Variants in CNTNAP2 observed in about 807,000 individuals in gnomAD.
CNTNAP2 encodes contactin associated protein 2.
CNTNAP2 carries 98 observed loss-of-function variants against 155.2 expected under a neutral mutation model. The ratio of observed to expected loss-of-function variants is 0.63; its 90% confidence interval spans 0.54 to 0.75. The LOEUF (loss-of-function observed/expected upper bound fraction) is 0.75, where lower values mean the gene tolerates loss of function less well. Ranked by LOEUF, CNTNAP2 falls within the 30% of genes least tolerant of loss-of-function variation. The pLI, the probability that CNTNAP2 is intolerant of heterozygous loss-of-function variation, is 0.00. For synonymous variants in CNTNAP2, 651 were observed against 631.2 expected, an observed-to-expected ratio of 1.03 and a Z score of -0.47; for missense variants, 1,727 against 1,688.1, an observed-to-expected ratio of 1.02 and a Z score of -0.40.
chr7:147,274,911 A>G (rs564800742), intron 8 of CNTNAP2, among the ~76,000 whole-genome samples: 16 of 152,142 alleles, frequency 1.1e-4, no homozygotes, highest in African/African-American at 3.9e-4. Context: ...TCTCAACACC[A>G]TTTATTGAAT....
At chr7:147,073,312 TAA>T (rs34336943) in intron 4 of CNTNAP2, among the ~76,000 whole-genome samples, 269 of 140,306 alleles carry the variant, frequency 1.9e-3, no homozygotes, top group Non-Finnish European at 2.3e-3. Context: ...TGCAGGAATG[TAA>T]AAAAAAAAAA....
At chr7:147,050,496 C>T (rs1220411502) in intron 4 of CNTNAP2, among the ~76,000 whole-genome samples, 6 of 152,054 alleles carry the variant, frequency 3.9e-5, no homozygotes, top group Admixed American at 1.3e-4. Flanking sequence ...CAATGCAAAT[C>T]GTGATGGAAA....
intron 1 of CNTNAP2, among the ~76,000 whole-genome samples, chr7:146,747,048 A>C (rs190322872): frequency 3.3e-5 from 5 of 152,246 alleles, no homozygotes; most frequent in African/African-American, 1.2e-4. Flanking sequence ...TAATCCATCT[A>C]TGTAGCTCTG....
intron 13 of CNTNAP2, among the ~76,000 whole-genome samples, chr7:147,724,015 C>T (rs1046146825): frequency 1.3e-5 from 2 of 151,838 alleles, no homozygotes; most frequent in Non-Finnish European, 2.9e-5. Flanking sequence ...TACTGCTTGT[C>T]CTACACTTTC....
At chr7:147,748,057 T>C (rs142129420) in intron 13 of CNTNAP2, among the ~76,000 whole-genome samples, 1 of 152,168 alleles carries the variant, frequency 6.6e-6, no homozygotes, top group East Asian at 1.9e-4. Context: ...AGAACCATAA[T>C]CAGATCTAAT....
intron 21 of CNTNAP2, among the ~76,000 whole-genome samples, chr7:148,296,836 G>A (rs140226335): frequency 8.9e-4 from 135 of 152,198 alleles, no homozygotes; most frequent in African/African-American, 3.1e-3. Context: ...CAAGACCGAC[G>A]AAAAAGTTCT....
chr7:146,755,017 C>T (rs1468122914), intron 1 of CNTNAP2, among the ~76,000 whole-genome samples: 1 of 151,622 alleles, frequency 6.6e-6, no homozygotes, highest in East Asian at 1.9e-4. Context: ...GATTATTAGC[C>T]CAATTTATAA....
chr7:146,711,523 A>G (rs554813468), intron 1 of CNTNAP2, among the ~76,000 whole-genome samples: 1 of 149,142 alleles, frequency 6.7e-6, no homozygotes, highest in African/African-American at 2.4e-5. Context: ...GGAACAGCTT[A>G]GACATAACTA....
At chr7:146,398,906 AT>A (rs1235885917) in intron 1 of CNTNAP2, among the ~76,000 whole-genome samples, 6 of 152,026 alleles carry the variant, frequency 3.9e-5, no homozygotes, top group African/African-American at 9.7e-5. Flanking sequence ...TTAATAAAAA[AT>A]ATATGGATTT....
chr7:147,674,870 T>C (rs1363019673), intron 13 of CNTNAP2, among the ~76,000 whole-genome samples: 1 of 152,150 alleles, frequency 6.6e-6, no homozygotes, highest in Non-Finnish European at 1.5e-5. Context: ...AATTATTTTT[T>C]ATTTCAGCAT....
intron 2 of CNTNAP2, among the ~76,000 whole-genome samples, chr7:146,778,695 C>T (rs950970788): frequency 6.6e-6 from 1 of 152,248 alleles, no homozygotes; most frequent in African/African-American, 2.4e-5. Flanking sequence ...AGATTATAAA[C>T]TGCTTTCATC....
intron 13 of CNTNAP2, among the ~76,000 whole-genome samples, chr7:147,837,383 G>C (rs886248221): frequency 6.6e-6 from 1 of 152,000 alleles, no homozygotes; most frequent in South Asian, 2.1e-4. Flanking sequence ...CCTCCCACTG[G>C]GTCCCTCCCA....
Position 147,476,665 on chromosome 7 carries a change from G to A in CNTNAP2, c.1671-9270G>A, listed in dbSNP as rs559246823. ...AGGTTGGTCAGGCGCGGTGGCTCAC[G>A]CCTGTAATCCCAGCACTTTGGGAGG... On this transcript the variant is annotated intron_variant, in intron 10 of 23. Coordinates refer to ENST00000361727, the MANE Select transcript of CNTNAP2 (RefSeq NM_014141.6). 1.6e-4 allele frequency among the ~76,000 whole-genome samples: 24 copies of A among 151,506 alleles called. No individual in the cohort carries two copies. The South Asian group carries it at 1.7e-3, about 11-fold the overall frequency.
chr7:147,435,560 G>T (rs550528155), intron 10 of CNTNAP2, among the ~76,000 whole-genome samples: 2 of 152,380 alleles, frequency 1.3e-5, no homozygotes, highest in East Asian at 3.9e-4. Context: ...TAGCAAGGCT[G>T]TTATTGGAGA....
Position 146,400,986 on chromosome 7 carries a change from AG to A in CNTNAP2, c.97+284014del, listed in dbSNP as rs371447735. ...CTCACCCAATCTATGTCATAATTTT[AG>A]TGACTTGGTATTGTTTGATTGTAAT... On this transcript the variant is annotated intron_variant, in intron 1 of 23. Transcript: ENST00000361727. Among the ~76,000 whole-genome samples the A allele has an allele frequency of 3.3e-3, 510 of 152,304 alleles. 2 individuals carry two copies. Among genetic ancestry groups the A allele is most frequent in the African/African-American group, 0.012 (492 of 41,578 alleles).
chr7:147,408,564 T>C (rs1424695518), intron 10 of CNTNAP2, among the ~76,000 whole-genome samples: 4 of 152,212 alleles, frequency 2.6e-5, no homozygotes, highest in East Asian at 3.9e-4. Context: ...ATCGAGACCA[T>C]CCTGGCTAAC....
At chr7:146,911,482 G>C (rs9769730) in intron 3 of CNTNAP2, among the ~76,000 whole-genome samples, 1 of 151,726 alleles carries the variant, frequency 6.6e-6, no homozygotes, top group Non-Finnish European at 1.5e-5. Context: ...AGCCATAAAA[G>C]TTGATGAGTT....
intron 14 of CNTNAP2, among the ~76,000 whole-genome samples, chr7:147,920,545 T>G (rs1563135557): frequency 6.6e-6 from 1 of 151,994 alleles, no homozygotes; most frequent in Non-Finnish European, 1.5e-5. Flanking sequence ...TGTGATCAGG[T>G]CTCCTTCAAG....
intron 1 of CNTNAP2, among the ~76,000 whole-genome samples, chr7:146,346,254 A>AG (rs1433267776): frequency 1.3e-5 from 2 of 152,278 alleles, no homozygotes; most frequent in Middle Eastern, 3.4e-3. Flanking sequence ...CTGTATTTAC[A>AG]GCCGCTCCCC....
Sources: gnomAD v4.1 joint callset for allele counts (sites outside exome capture counted in the v4.1 genomes callset) on GRCh38, gnomAD v4.1.1 for gene constraint, MANE v1.5 for transcripts, NCBI Gene and HGNC (gene_info 2026-07-23, HGNC 2026-07-21) for gene names.